Variants in CREBBP observed in about 807,000 individuals in gnomAD.
CREBBP encodes the protein CREB-binding protein.
A neutral mutation model predicts 265.0 loss-of-function variants in CREBBP; 19 were observed. The ratio of observed to expected loss-of-function variants is 0.07; its 90% confidence interval spans 0.05 to 0.11. The LOEUF (loss-of-function observed/expected upper bound fraction) is 0.11, where lower values mean the gene tolerates loss of function less well. Ranked by LOEUF, CREBBP falls within the 10% of genes least tolerant of loss-of-function variation. CREBBP has a pLI of 1.00. For missense variants in CREBBP, 2,525 were observed against 3,219.0 expected, an observed-to-expected ratio of 0.78 and a Z score of 5.22; for synonymous variants, 1,457 against 1,223.7, an observed-to-expected ratio of 1.19 and a Z score of -3.98.
At chr16:3,830,574 C>T (rs914918018) in intron 2 of CREBBP, among the ~76,000 whole-genome samples, 1 of 152,044 alleles carries the variant, frequency 6.6e-6, no homozygotes, top group Non-Finnish European at 1.5e-5. Flanking sequence ...ACATATTAAC[C>T]TAATAAAACA....
At chr16:3,874,085 AT>A (rs1227863783) in intron 1 of CREBBP, among the ~76,000 whole-genome samples, 1 of 152,186 alleles carries the variant, frequency 6.6e-6, no homozygotes, top group African/African-American at 2.4e-5. Flanking sequence ...CGGACGAGAA[AT>A]GCCATGTGGG....
intron 26 of CREBBP, among the ~76,000 whole-genome samples, chr16:3,737,215 A>G (rs1034308477): frequency 2.0e-5 from 3 of 152,188 alleles, no homozygotes; most frequent in Admixed American, 1.3e-4. Context: ...ATTCTGTTCA[A>G]GACACTTTGA....
chr16:3,806,814 G>A (rs1237989589), intron 3 of CREBBP, among the ~76,000 whole-genome samples: 1 of 151,892 alleles, frequency 6.6e-6, no homozygotes, highest in African/African-American at 2.4e-5. Flanking sequence ...TTCCACTCAC[G>A]CCCTGCTCCC....
At chr16:3,865,677 C>T (rs1418108560) in intron 1 of CREBBP, among the ~76,000 whole-genome samples, 8 of 150,744 alleles carry the variant, frequency 5.3e-5, no homozygotes, top group South Asian at 2.1e-4. Context: ...CTTGATCTGT[C>T]GCCCAGGCTG....
In CREBBP at chr16:3,765,815, T is replaced by C. The variant is rs1036121199; in HGVS notation, c.3250+1905A>G. On this transcript the variant is annotated intron_variant, in intron 16 of 30. Transcript: ENST00000262367. ...GGCATGCACTACCATACCCAGCTAATTTTTTTTTAATAGAGATTAGGTTTC... is the reference window on the plus strand; with the variant it reads ...GGCATGCACTACCATACCCAGCTAACTTTTTTTTAATAGAGATTAGGTTTC... 6.6e-5 allele frequency among the ~76,000 whole-genome samples: 10 copies of C among 151,470 alleles called. No individual in the cohort carries two copies. In the South Asian group the frequency reaches 1.0e-3, roughly 16 times the overall value.
rs1260576843 is a variant in CREBBP at position 3,850,982 on chromosome 16, T to C, written c.113A>G (p.Asn38Ser). The change falls in exon 2 of 31, where the codon AAT becomes AGT. Residue 38 changes from asparagine to serine, a missense_variant. Physicochemically the swap from Asn to Ser is conservative, Grantham distance 46. This residue lies in a region of CREBBP where 356 missense variants were observed against 340.4 expected (regional missense o/e 1.05). Transcript: ENST00000262367. Reference sequence around the variant, plus strand: ...GGGTATCAGCTCATCAGGAAGATCATTTTCCAAGTCAAACAATGATCCAAA... The same window carrying C: ...GGGTATCAGCTCATCAGGAAGATCACTTTCCAAGTCAAACAATGATCCAAA... ...TDFGSLFDLE[N>S]DLPDELIPNG... 1.2e-6 allele frequency: 2 copies of C among 1,613,994 alleles called. No homozygotes were observed. Among genetic ancestry groups the C allele is most frequent in the Non-Finnish European group, 1.7e-6 (2 of 1,180,018 alleles).
chr16:3,842,995 A>AAAAT (rs2054595596), intron 2 of CREBBP, among the ~76,000 whole-genome samples: 1 of 130,766 alleles, frequency 7.6e-6, no homozygotes, highest in African/African-American at 2.8e-5. Context: ...AAAAAAAAAA[A>AAAAT]TTAGGAATGA....
At chr16:3,830,851 A>G (rs2054329076) in intron 2 of CREBBP, among the ~76,000 whole-genome samples, 1 of 152,126 alleles carries the variant, frequency 6.6e-6, no homozygotes, top group African/African-American at 2.4e-5. Context: ...GCGCGATCTC[A>G]GCTCACTGTA....
intron 1 of CREBBP, among the ~76,000 whole-genome samples, chr16:3,877,894 C>A (rs989497293): frequency 2.6e-5 from 4 of 152,162 alleles, no homozygotes; most frequent in African/African-American, 9.7e-5. Flanking sequence ...AGCCCCTGTG[C>A]CTTACAAGGA....
At chr16:3,859,414 G>C (rs1185239523) in intron 1 of CREBBP, among the ~76,000 whole-genome samples, 2 of 152,204 alleles carry the variant, frequency 1.3e-5, no homozygotes, top group African/African-American at 2.4e-5. Context: ...GAATGGTCTA[G>C]AACTCCCAAC....
intron 2 of CREBBP, among the ~76,000 whole-genome samples, chr16:3,849,525 CTTTTTTTTTT>C (rs140938515): frequency 4.6e-4 from 3 of 6,556 alleles, no homozygotes; most frequent in African/African-American, 9.5e-4. Flanking sequence ...GAGGCTGCTG[CTTTTTTTTTT>C]TTTTTTTTTT....
At chr16:3,874,246 T>C (rs2055355459) in intron 1 of CREBBP, among the ~76,000 whole-genome samples, 1 of 152,360 alleles carries the variant, frequency 6.6e-6, no homozygotes, top group Admixed American at 6.5e-5. Context: ...TGCTAAGCTC[T>C]GAAGTGCTCC....
At chr16:3,732,963 G>A (rs1032620153) in intron 28 of CREBBP, among the ~76,000 whole-genome samples, 1 of 152,090 alleles carries the variant, frequency 6.6e-6, no homozygotes, top group Admixed American at 6.5e-5. Context: ...GCCTCCCAAA[G>A]TGCTGAGATT....
chr16:3,810,513 G>A, intron 3 of CREBBP, 90 bp downstream of exon 3: 1 of 1,472,150 alleles, frequency 6.8e-7, no homozygotes. Flanking sequence ...CACACTTTTA[G>A]TTATAGACTT....
Position 3,866,669 on chromosome 16 carries a change from A to C in CREBBP, c.85+13163T>G, listed in dbSNP as rs1475668178. On this transcript the variant is annotated intron_variant, in intron 1 of 30. Transcript: ENST00000262367. ...GGTTTTTTGCTTTGTTTGAAAAAAA[A>C]CCCTCAGAATATAAAATGAAAAACA... is the stretch of plus-strand genomic sequence containing the variant. Among the ~76,000 whole-genome samples the C allele has an allele frequency of 4.6e-5, 7 of 152,250 alleles. No homozygotes were observed. In the South Asian group the frequency reaches 6.2e-4, roughly 14 times the overall value.
intron 3 of CREBBP, among the ~76,000 whole-genome samples, chr16:3,798,227 CA>C (rs2053645282): frequency 6.6e-6 from 1 of 152,224 alleles, no homozygotes; most frequent in Non-Finnish European, 1.5e-5. Flanking sequence ...TCGTACCATT[CA>C]CAGAAGAAAA....
intron 1 of CREBBP, among the ~76,000 whole-genome samples, chr16:3,867,424 T>C (rs1294338859): frequency 6.6e-6 from 1 of 151,342 alleles, no homozygotes; most frequent in Non-Finnish European, 1.5e-5. Context: ...CCCAGGAGTT[T>C]GAGGCTAGAG....
intron 19 of CREBBP, among the ~76,000 whole-genome samples, chr16:3,757,083 G>A (rs2052603651): frequency 1.3e-5 from 2 of 151,968 alleles, no homozygotes; most frequent in African/African-American, 4.8e-5. Flanking sequence ...ATGTCGCCAA[G>A]GCTGATAACA....
At position 3,850,432 on chromosome 16, in the gene CREBBP, T is replaced by C. The variant is rs983200791; in HGVS notation, c.663A>G (p.Gly221=). 6.2e-7 allele frequency: 1 copy of C among 1,614,194 alleles called. No homozygotes were observed. The highest frequency in any genetic ancestry group is 8.5e-7 in the Non-Finnish European group (1 of 1,180,034). ...GSLGAAGRGR[G]AGMPYPTPAM... is the part of the protein sequence containing the mutation. ...CTGGAGTAGGGTACGGCATTCCAGC[T>C]CCCCTTCCTCTGCCAGCAGCCCCAA... The change falls in exon 2 of 31, where the codon GGA becomes GGG. Residue 221 remains glycine (G), a synonymous_variant. Coordinates refer to ENST00000262367, the MANE Select transcript of CREBBP (RefSeq NM_004380.3).
Sources: allele counts gnomAD v4.1 joint callset (sites outside exome capture counted in the v4.1 genomes callset), GRCh38; gene constraint gnomAD v4.1.1; regional missense constraint gnomAD v4.1.1; transcripts MANE v1.5; gene names NCBI Gene and HGNC (gene_info 2026-07-23, HGNC 2026-07-21).